MBD5: variants seen among roughly 807,000 people sequenced by gnomAD.
MBD5 encodes the protein methyl-CpG-binding domain protein 5.
In MBD5, 13 loss-of-function variants were observed where a neutral mutation model predicts 117.3. The observed-to-expected ratio is 0.11, with a 90% CI of 0.07 to 0.18. MBD5 has a LOEUF of 0.18. MBD5 is among the 10% of genes least tolerant of loss of function. The probability of loss-of-function intolerance (pLI) is 1.00; values close to 1 mark genes in which losing one functional copy is unlikely to be tolerated. For synonymous variants in MBD5, 727 were observed against 766.4 expected (o/e 0.95, Z 0.85); for missense variants, 1,879 against 2,093.8 (o/e 0.90, Z 2.00).
intron 4 of MBD5, among the ~76,000 whole-genome samples, chr2:148,365,402 G>T (rs573290292): frequency 6.6e-6 from 1 of 152,024 alleles, no homozygotes; most frequent in Non-Finnish European, 1.5e-5. Flanking sequence ...ATCTAAAACC[G>T]ACACCCTAAC....
intron 4 of MBD5, among the ~76,000 whole-genome samples, chr2:148,383,419 C>T (rs1704224922): frequency 6.6e-6 from 1 of 152,154 alleles, no homozygotes; most frequent in Non-Finnish European, 1.5e-5. Flanking sequence ...GAAGCTGAAT[C>T]TCCAAATAGA....
At chr2:148,043,165 C>G (rs930056436) in intron 1 of MBD5, among the ~76,000 whole-genome samples, 2 of 151,934 alleles carry the variant, frequency 1.3e-5, no homozygotes, top group African/African-American at 2.4e-5. Flanking sequence ...GTGGCTCACA[C>G]CTGTAATCCC....
In MBD5 at chr2:148,489,819, G is replaced by C. The variant is rs1281344660; in HGVS notation, c.4187G>C (p.Gly1396Ala). The change falls in exon 11 of 14, where the codon GGG becomes GCG. Residue 1396 changes from glycine (G) to alanine (A), a missense_variant. Physicochemically the swap from Gly to Ala is moderately conservative, Grantham distance 60. This residue lies in a region of MBD5 where 1,666 missense variants were observed against 1,792.2 expected (regional missense o/e 0.93). Coordinates refer to ENST00000642680, the MANE Select transcript of MBD5 (RefSeq NM_001378120.1). ...GATGGTAGGCTGAGGAATTCAAGAG[G>C]GGCTCGGCTGCCCAAGAATCTAGAC... ...DHDGRLRNSRGARLPKNLDHG... is the reference protein window; with the variant it reads ...DHDGRLRNSRAARLPKNLDHG... 6.2e-7 allele frequency: 1 copy of C among 1,614,110 alleles called. No individual in the cohort carries two copies. Among genetic ancestry groups the C allele is most frequent in the Non-Finnish European group, 8.5e-7 (1 of 1,180,020 alleles).
intron 8 of MBD5, among the ~76,000 whole-genome samples, chr2:148,482,329 TGATTA>T (rs1370002140): frequency 6.6e-6 from 1 of 152,160 alleles, no homozygotes; most frequent in East Asian, 1.9e-4. Context: ...GACTGTGGAT[TGATTA>T]AAGTACAGTA....
intron 8 of MBD5, among the ~76,000 whole-genome samples, chr2:148,482,499 G>GTA (rs1012985890): frequency 5.3e-5 from 8 of 151,764 alleles, no homozygotes; most frequent in East Asian, 1.9e-4. Flanking sequence ...ATGCATATGT[G>GTA]TATATATATA....
chr2:148,112,364 A>G (rs1696521950), intron 1 of MBD5, among the ~76,000 whole-genome samples: 1 of 152,216 alleles, frequency 6.6e-6, no homozygotes, highest in Non-Finnish European at 1.5e-5. Context: ...TCTGTCATAA[A>G]TATCCTAAAC....
intron 4 of MBD5, among the ~76,000 whole-genome samples, chr2:148,449,580 A>T (rs758692308): frequency 1.2e-4 from 18 of 151,870 alleles, no homozygotes; most frequent in Non-Finnish European, 1.9e-4. Context: ...GATGGGAGAC[A>T]ATATTCCAAG....
chr2:148,099,140 T>C (rs1181381471), intron 1 of MBD5, among the ~76,000 whole-genome samples: 1 of 152,102 alleles, frequency 6.6e-6, no homozygotes, highest in Non-Finnish European at 1.5e-5. Flanking sequence ...ATCTGGTATT[T>C]CCAAGACAAA....
At chr2:148,450,691 A>G (rs1452432471) in intron 4 of MBD5, among the ~76,000 whole-genome samples, 1 of 152,196 alleles carries the variant, frequency 6.6e-6, no homozygotes, top group Non-Finnish European at 1.5e-5. Context: ...TATCATATGC[A>G]TCAAATTCCA....
At chr2:148,239,207 C>G (rs924122106) in intron 3 of MBD5, among the ~76,000 whole-genome samples, 1 of 152,092 alleles carries the variant, frequency 6.6e-6, no homozygotes, top group East Asian at 1.9e-4. Flanking sequence ...ATGACTAGAT[C>G]TACATGTTTT....
intron 1 of MBD5, among the ~76,000 whole-genome samples, chr2:148,123,760 A>G (rs1314061990): frequency 1.3e-5 from 2 of 152,186 alleles, no homozygotes; most frequent in African/African-American, 4.8e-5. Flanking sequence ...CTGTGCAGGA[A>G]GAAGACTGCT....
At chr2:148,231,983 CCT>C (rs1236760944) in intron 2 of MBD5, among the ~76,000 whole-genome samples, 2 of 152,080 alleles carry the variant, frequency 1.3e-5, no homozygotes, top group Non-Finnish European at 2.9e-5. Context: ...GTGAGAGAAT[CCT>C]CTCTGGGAAG....
At chr2:148,025,548 C>T (rs1241758277) in intron 1 of MBD5, 2 of 120,100 alleles carry the variant, frequency 1.7e-5, no homozygotes, top group Admixed American at 8.4e-5. Context: ...TAAATTTTTC[C>T]AAAAAAAAAA....
rs750566106 is a variant in MBD5 at position 148,483,927 on chromosome 2, C to T, written c.3336C>T (p.Ser1112=). The change falls in exon 9 of 14, where the codon TCC becomes TCT. Residue 1112 remains serine (S), a synonymous_variant. Coordinates refer to ENST00000642680, the MANE Select transcript of MBD5 (RefSeq NM_001378120.1). The part of the protein sequence containing the change: ...ANHPEVSIAT[S]SQATTTTTTT... Reference sequence around the variant, plus strand: ...ATCCAGAGGTTTCCATAGCAACCTCCTCCCAGGCAACCACTACCACAACCA... The same window carrying T: ...ATCCAGAGGTTTCCATAGCAACCTCTTCCCAGGCAACCACTACCACAACCA... The T allele has an allele frequency of 6.4e-7, 1 of 1,550,532 alleles. No homozygotes were observed. Among genetic ancestry groups the T allele is most frequent in the Non-Finnish European group, 8.7e-7 (1 of 1,146,948 alleles).
chr2:148,414,551 T>C (rs1276886933), intron 4 of MBD5, among the ~76,000 whole-genome samples: 1 of 152,162 alleles, frequency 6.6e-6, no homozygotes, highest in African/African-American at 2.4e-5. Flanking sequence ...CCTAGTACTG[T>C]TAGTGGGATG....
In MBD5 at chr2:148,304,260, T is replaced by G. The variant is rs185742604; in HGVS notation, c.-679-37954T>G. ...AGCAATCTAATTAAATAGGTAATAT[T>G]AACATCAAGAAATAGGTGAGGAAAT... On this transcript the variant is annotated intron_variant, in intron 3 of 13. Coordinates refer to ENST00000642680, the MANE Select transcript of MBD5 (RefSeq NM_001378120.1). 8.7e-4 allele frequency among the ~76,000 whole-genome samples: 133 copies of G among 152,296 alleles called. 1 individual carries two copies. The highest frequency in any genetic ancestry group is 3.0e-3 in the African/African-American group (124 of 41,560).
At chr2:148,400,193 G>T (rs1404635611) in intron 4 of MBD5, among the ~76,000 whole-genome samples, 1 of 152,014 alleles carries the variant, frequency 6.6e-6, no homozygotes, top group Non-Finnish European at 1.5e-5. Context: ...AATGTTGATA[G>T]AATCCTTTTT....
chr2:148,479,032 C>A (rs545555446), intron 8 of MBD5, among the ~76,000 whole-genome samples: 3 of 152,152 alleles, frequency 2.0e-5, no homozygotes. Context: ...CTATGAAATA[C>A]GTTCACCAGA....
At chr2:148,230,196 G>C (rs762172408) in intron 2 of MBD5, among the ~76,000 whole-genome samples, 3 of 152,132 alleles carry the variant, frequency 2.0e-5, no homozygotes, top group Non-Finnish European at 2.9e-5. Flanking sequence ...CCAGGGACTA[G>C]AGTAAAAAAA....
Sources: allele counts gnomAD v4.1 joint callset (sites outside exome capture counted in the v4.1 genomes callset), GRCh38; gene constraint gnomAD v4.1.1; regional missense constraint gnomAD v4.1.1; transcripts MANE v1.5; gene names NCBI Gene and HGNC (gene_info 2026-07-23, HGNC 2026-07-21).